TSHZ3: variants seen among roughly 807,000 people sequenced by gnomAD.
TSHZ3 encodes the protein teashirt zinc finger homeobox 3.
A neutral mutation model predicts 64.5 loss-of-function variants in TSHZ3; 10 were observed. The ratio of observed to expected loss-of-function variants is 0.16; its 90% CI spans 0.10 to 0.26. The LOEUF (loss-of-function observed/expected upper bound fraction) is 0.26. Among genes scored for constraint, TSHZ3 ranks in the 10% least tolerant of loss-of-function variants. The pLI is 1.00. For missense variants in TSHZ3, 1,242 were observed against 1,421.7 expected, an observed-to-expected ratio of 0.87 and a Z score of 2.03; for synonymous variants, 608 against 593.1, an observed-to-expected ratio of 1.03 and a Z score of -0.36.
intron 4 of TSHZ3, among the ~76,000 whole-genome samples, chr19:31,212,273 T>C (rs1443798512): frequency 6.6e-6 from 1 of 152,016 alleles, no homozygotes; most frequent in Non-Finnish European, 1.5e-5. Context: ...CTGGCCAATA[T>C]GGTGAAACCC....
rs375126005 is a variant in TSHZ3, at chr19:31,205,443, T to G, written n.687-365A>C. Among the ~76,000 whole-genome samples, 15 of 152,322 alleles carry G rather than the reference T, an allele frequency of 9.8e-5. No individual in the cohort carries two copies. In the South Asian group the frequency reaches 3.1e-3, roughly 32 times the overall value. On this transcript the variant is annotated intron_variant and non_coding_transcript_variant, in intron 4 of 6. Transcript: ENST00000651361. ...CTCCCTCAATCTTTGATCCACTTCT[T>G]TCTCCTGAAGGGCACTGAAATACTG...
chr19:31,228,448 C>A (rs1419313999), intron 3 of TSHZ3, among the ~76,000 whole-genome samples: 1 of 151,364 alleles, frequency 6.6e-6, no homozygotes, highest in Non-Finnish European at 1.5e-5. Context: ...ATCACATGAG[C>A]CCCGGAGGCA....
At chr19:31,214,833 G>C (rs893555815) in intron 4 of TSHZ3, among the ~76,000 whole-genome samples, 1 of 151,428 alleles carries the variant, frequency 6.6e-6, no homozygotes, top group Non-Finnish European at 1.5e-5. Context: ...GCGTGAACCC[G>C]GGAGGCGGAG....
At chr19:31,314,459 T>TGCTCACCTCCTTCTGCCC (rs1466461186) in intron 1 of TSHZ3, among the ~76,000 whole-genome samples, 1 of 152,222 alleles carries the variant, frequency 6.6e-6, no homozygotes, top group Non-Finnish European at 1.5e-5. Flanking sequence ...GCTATCTGGC[T>TGCTCACCTCCTTCTGCCC]GCTCACCTCC....
intron 5 of TSHZ3, among the ~76,000 whole-genome samples, chr19:31,176,009 C>A (rs1974601655): frequency 1.3e-5 from 2 of 152,162 alleles, no homozygotes; most frequent in Non-Finnish European, 2.9e-5. Flanking sequence ...GGAAGGGAAC[C>A]CATGAGGGGC....
chr19:31,213,800 C>T (rs936850025), intron 4 of TSHZ3, among the ~76,000 whole-genome samples: 1 of 152,318 alleles, frequency 6.6e-6, no homozygotes, highest in South Asian at 2.1e-4. Context: ...ACTTAGCGCA[C>T]GTTTGGTGCC....
At chr19:31,243,726 C>T (rs973641532) in intron 1 of TSHZ3, among the ~76,000 whole-genome samples, 5 of 152,086 alleles carry the variant, frequency 3.3e-5, no homozygotes, top group African/African-American at 9.7e-5. Flanking sequence ...GGGGGAGCAG[C>T]GGAGTGGTGT....
At position 31,211,060 on chromosome 19, in the gene TSHZ3, T is replaced by G. The variant is rs572578843; in HGVS notation, n.687-5982A>C. On this transcript the variant is annotated intron_variant and non_coding_transcript_variant, in intron 4 of 6. Transcript: ENST00000651361. ...TAGTTTGTTTTTCGATGGTGGAATT[T>G]TATGGACACTATAATGAAAGTGAAG... Among the ~76,000 whole-genome samples, 3 of 152,354 alleles carry G rather than the reference T, an allele frequency of 2.0e-5. No homozygotes were observed. In the East Asian group the frequency reaches 5.8e-4, roughly 29 times the overall value.
chr19:31,256,519 G>A, intron 1 of TSHZ3, among the ~76,000 whole-genome samples: 1 of 152,198 alleles, frequency 6.6e-6, no homozygotes, highest in East Asian at 1.9e-4. Context: ...GTATTCCCCA[G>A]GGCATATGAG....
At chr19:31,213,558 T>G (rs1177854259) in intron 4 of TSHZ3, among the ~76,000 whole-genome samples, 2 of 152,018 alleles carry the variant, frequency 1.3e-5, no homozygotes, top group Non-Finnish European at 2.9e-5. Context: ...GACATAGCTA[T>G]GTACTTTGGG....
intron 4 of TSHZ3, among the ~76,000 whole-genome samples, chr19:31,222,880 G>T (rs1242908339): frequency 2.6e-5 from 4 of 152,136 alleles, no homozygotes; most frequent in Non-Finnish European, 5.9e-5. Context: ...GGTTAGAAAT[G>T]AGATGTGAAA....
chr19:31,174,665 T>C (rs1974583373), intron 5 of TSHZ3, among the ~76,000 whole-genome samples: 1 of 152,206 alleles, frequency 6.6e-6, no homozygotes, highest in South Asian at 2.1e-4. Context: ...ACCAGCTGTT[T>C]CTTGAATTAA....
intron 1 of TSHZ3, among the ~76,000 whole-genome samples, chr19:31,247,563 G>A (rs1192343667): frequency 6.6e-6 from 1 of 152,300 alleles, no homozygotes; most frequent in Non-Finnish European, 1.5e-5. Context: ...CATAAAAGGA[G>A]GCCAAGGAGA....
At chr19:31,256,509 G>T (rs1412199034) in intron 1 of TSHZ3, among the ~76,000 whole-genome samples, 1 of 152,148 alleles carries the variant, frequency 6.6e-6, no homozygotes, top group African/African-American at 2.4e-5. Context: ...GTGCCTGGGG[G>T]TATTCCCCAG....
intron 1 of TSHZ3, among the ~76,000 whole-genome samples, chr19:31,346,031 C>A (rs1439873672): frequency 6.6e-6 from 1 of 152,206 alleles, no homozygotes; most frequent in East Asian, 1.9e-4. Flanking sequence ...AAAGAAACCT[C>A]TCTTTCTCTT....
chr19:31,292,908 C>CCCAT (rs936002734), intron 1 of TSHZ3, among the ~76,000 whole-genome samples: 1 of 146,194 alleles, frequency 6.8e-6, no homozygotes, highest in African/African-American at 2.5e-5. Flanking sequence ...CATCCATCCA[C>CCCAT]CCATCCATCC....
chr19:31,284,062 T>C (rs1976412486), intron 1 of TSHZ3, among the ~76,000 whole-genome samples: 1 of 152,126 alleles, frequency 6.6e-6, no homozygotes, highest in African/African-American at 2.4e-5. Flanking sequence ...TCTCCAACAG[T>C]ATTTGAGAGT....
chr19:31,220,440 C>A (rs1975382571), intron 4 of TSHZ3, among the ~76,000 whole-genome samples: 2 of 152,048 alleles, frequency 1.3e-5, no homozygotes, highest in Admixed American at 1.3e-4. Context: ...TCTCACTGCC[C>A]CTTGTCTCTC....
intron 5 of TSHZ3, among the ~76,000 whole-genome samples, chr19:31,162,509 TC>T (rs1339380797): frequency 2.0e-5 from 3 of 152,242 alleles, no homozygotes; most frequent in Admixed American, 2.0e-4. Flanking sequence ...TTTCCGACTT[TC>T]TTGGATTTTC....
Sources: gnomAD v4.1 joint callset for allele counts (sites outside exome capture counted in the v4.1 genomes callset) on GRCh38, gnomAD v4.1.1 for gene constraint, MANE v1.5 for transcripts, NCBI Gene and HGNC (gene_info 2026-07-23, HGNC 2026-07-21) for gene names.